Variants in CPEB1 observed in about 807,000 individuals in gnomAD.
CPEB1 encodes the protein cytoplasmic polyadenylation element binding protein 1.
A neutral mutation model predicts 65.8 loss-of-function variants in CPEB1; 7 were observed. That is an observed-to-expected ratio of 0.11 (90% CI 0.06 to 0.20). The LOEUF is 0.20. Among genes scored for constraint, CPEB1 ranks in the 10% least tolerant of loss-of-function variants. CPEB1 has a pLI of 1.00. For missense variants in CPEB1, 551 were observed against 712.2 expected, an observed-to-expected ratio of 0.77 and a Z score of 2.58; for synonymous variants, 262 against 260.0, an observed-to-expected ratio of 1.01 and a Z score of -0.08.
intron 4 of CPEB1, among the ~76,000 whole-genome samples, chr15:82,562,843 A>G (rs1204151010): frequency 2.6e-5 from 4 of 152,114 alleles, no homozygotes; most frequent in Non-Finnish European, 5.9e-5. Flanking sequence ...TCAAAAAAAA[A>G]AAAAAGACTG....
chr15:82,632,507 TCA>T (rs141189332), intron 1 of CPEB1, among the ~76,000 whole-genome samples: 15 of 150,512 alleles, frequency 1.0e-4, no homozygotes, highest in Non-Finnish European at 1.3e-4. Context: ...CTGTGTATAT[TCA>T]CACACACACA....
At chr15:82,590,976 T>TA (rs1712585926) in intron 3 of CPEB1, among the ~76,000 whole-genome samples, 1 of 152,234 alleles carries the variant, frequency 6.6e-6, no homozygotes, top group South Asian at 2.1e-4. Context: ...GCAATGAACA[T>TA]ATGTGTGCAT....
intron 3 of CPEB1, among the ~76,000 whole-genome samples, chr15:82,585,948 C>A (rs1295596855): frequency 2.0e-5 from 3 of 150,958 alleles, no homozygotes; most frequent in Non-Finnish European, 4.4e-5. Flanking sequence ...ACTAGCTAGG[C>A]AACCAGGATA....
At chr15:82,632,884 A>C (rs533491823) in intron 1 of CPEB1, among the ~76,000 whole-genome samples, 25 of 152,226 alleles carry the variant, frequency 1.6e-4, no homozygotes, top group African/African-American at 5.8e-4. Flanking sequence ...CTCATTTTCA[A>C]AACAGAAACC....
intron 4 of CPEB1, chr15:82,562,391 T>C: frequency 3.3e-6 from 1 of 305,824 alleles, no homozygotes. Flanking sequence ...AATCAGAATC[T>C]GCATTTTTAA....
intron 1 of CPEB1, among the ~76,000 whole-genome samples, chr15:82,640,378 C>G (rs112598689): frequency 5.1e-4 from 78 of 152,270 alleles, no homozygotes; most frequent in African/African-American, 1.6e-3. Context: ...TTCTCTTGCA[C>G]ATAGGAACAC....
chr15:82,625,271 G>A (rs555331279), intron 3 of CPEB1, among the ~76,000 whole-genome samples: 2 of 152,014 alleles, frequency 1.3e-5, no homozygotes, highest in Non-Finnish European at 2.9e-5. Flanking sequence ...TTTTTCTTTT[G>A]TACAAGTCAG....
intron 1 of CPEB1, among the ~76,000 whole-genome samples, chr15:82,641,370 T>C (rs2047101462): frequency 1.3e-5 from 2 of 152,154 alleles, no homozygotes; most frequent in Non-Finnish European, 2.9e-5. Context: ...TAGTAAGAGA[T>C]TAAGTGTTCT....
At position 82,544,577 on chromosome 15, in the gene CPEB1, G is replaced by C. The variant is rs1416320936; in HGVS notation, c.*15C>G. ...AGCTTTGGGCGCCACAGGCCACTGG[G>C]CAAGGCCAGCTCCTCTAGCTGGAAT... is the stretch of plus-strand genomic sequence containing the variant. On this transcript the variant is annotated 3_prime_UTR_variant, in exon 13 of 13. Transcript: ENST00000684509. The C allele has an allele frequency of 2.5e-6, 4 of 1,605,470 alleles. No homozygotes were observed. Among genetic ancestry groups the C allele is most frequent in the African/African-American group, 1.3e-5 (1 of 74,786 alleles).
intron 3 of CPEB1, among the ~76,000 whole-genome samples, chr15:82,572,709 T>C (rs2040207726): frequency 6.6e-6 from 1 of 152,156 alleles, no homozygotes; most frequent in South Asian, 2.1e-4. Context: ...TCTGTCAATA[T>C]TGCTTCTCTT....
Position 82,571,475 on chromosome 15 carries a change from T to G in CPEB1, c.329A>C (p.Gln110Pro), listed in dbSNP as rs1391333807. 6.2e-7 allele frequency: 1 copy of G among 1,614,184 alleles called. No homozygotes were observed. The highest frequency in any genetic ancestry group is 1.3e-5 in the African/African-American group (1 of 75,044). Residue 110 changes from glutamine to proline, a missense_variant, in exon 4 of 13, where the codon CAA becomes CCA. This residue lies in a region of CPEB1 where 223 missense variants were observed against 228.6 expected (regional missense o/e 0.98). Coordinates refer to ENST00000684509, the MANE Select transcript of CPEB1 (RefSeq NM_001365242.1). ...ATCTGGGAGGCCACGGGAAGATTCT[T>G]GCGCAGAGGTTGGGAAAAGCATCCT... ...TSRMLFPTSA[Q>P]ESSRGLPDAN...
intron 3 of CPEB1, among the ~76,000 whole-genome samples, chr15:82,609,865 A>T (rs1337136074): frequency 6.6e-6 from 1 of 152,084 alleles, no homozygotes; most frequent in African/African-American, 2.4e-5. Flanking sequence ...GTTTGAGATC[A>T]GCCCAATCAA....
intron 3 of CPEB1, among the ~76,000 whole-genome samples, chr15:82,586,175 A>G (rs149479146): frequency 2.6e-5 from 4 of 151,674 alleles, no homozygotes; most frequent in African/African-American, 9.7e-5. Context: ...TGCCTTTCAG[A>G]TATTTGTTAA....
intron 3 of CPEB1, among the ~76,000 whole-genome samples, chr15:82,592,189 A>G (rs2042309503): frequency 6.6e-6 from 1 of 152,118 alleles, no homozygotes; most frequent in Non-Finnish European, 1.5e-5. Context: ...TTGAATGGAT[A>G]TATATATGGG....
At chr15:82,646,659 TCTC>T (rs1378247311) in intron 1 of CPEB1, among the ~76,000 whole-genome samples, 1 of 152,146 alleles carries the variant, frequency 6.6e-6, no homozygotes, top group Non-Finnish European at 1.5e-5. Context: ...GCCTGGCTTT[TCTC>T]GGTCACGGGG....
intron 3 of CPEB1, among the ~76,000 whole-genome samples, chr15:82,622,574 T>C (rs2045397073): frequency 1.3e-5 from 2 of 152,152 alleles, no homozygotes; most frequent in Non-Finnish European, 2.9e-5. Flanking sequence ...CTATTTTTAA[T>C]AGAGACAAGG....
At position 82,638,167 on chromosome 15, in the gene CPEB1, C is replaced by T. The variant is rs72751678; in HGVS notation, c.-98+8970G>A. On this transcript the variant is annotated intron_variant, in intron 1 of 12. Transcript: ENST00000684509. ...GGAGTATTTTAATATCATTGTCAGA[C>T]AACTGTGGCTATTAATACTACACCA... Among the ~76,000 whole-genome samples the T allele has an allele frequency of 7.5e-3, 1,138 of 152,242 alleles. 13 individuals are homozygous for T. The highest frequency in any genetic ancestry group is 8.4e-3 in the Non-Finnish European group (574 of 68,012).
intron 3 of CPEB1, among the ~76,000 whole-genome samples, chr15:82,619,825 G>C (rs984417194): frequency 6.6e-6 from 1 of 152,104 alleles, no homozygotes; most frequent in Admixed American, 6.5e-5. Flanking sequence ...TACACCACTG[G>C]AAGTGTAAAC....
At position 82,639,089 on chromosome 15, in the gene CPEB1, G is replaced by A. The variant is rs558128374; in HGVS notation, c.-98+8048C>T. On this transcript the variant is annotated intron_variant, in intron 1 of 12. Coordinates refer to ENST00000684509, the MANE Select transcript of CPEB1 (RefSeq NM_001365242.1). ...AAAGGGTTTTGGTGACCACTAGGCA[G>A]GCATGGACCTAGCTTGGAGAACTGC... Among the ~76,000 whole-genome samples the A allele has an allele frequency of 2.0e-5, 3 of 152,182 alleles. No homozygotes were observed. The South Asian group carries it at 6.2e-4, about 32-fold the overall frequency.
Sources: allele counts gnomAD v4.1 joint callset (sites outside exome capture counted in the v4.1 genomes callset), GRCh38; gene constraint gnomAD v4.1.1; regional missense constraint gnomAD v4.1.1; transcripts MANE v1.5; gene names NCBI Gene and HGNC (gene_info 2026-07-23, HGNC 2026-07-21).